The following CD86 variants were observed in gnomAD, a reference collection of about 807,000 sequenced individuals.
CD86 encodes CD86 molecule.
In CD86, 11 loss-of-function variants were observed where a neutral mutation model predicts 32.1. That is an observed-to-expected ratio of 0.34 (90% CI 0.22 to 0.57). CD86 has a LOEUF of 0.57. Among genes scored for constraint, CD86 ranks in the 20% least tolerant of loss-of-function variants. The pLI, the probability that CD86 is intolerant of heterozygous loss-of-function variation, is 0.86. For missense variants in CD86, 359 were observed against 398.4 expected (o/e 0.90, Z 0.84); for synonymous variants, 137 against 135.3 (o/e 1.01, Z -0.09).
At chr3:122,090,026 G>T (rs1402750605) in intron 1 of CD86, among the ~76,000 whole-genome samples, 1 of 152,182 alleles carries the variant, frequency 6.6e-6, no homozygotes, top group Non-Finnish European at 1.5e-5. Context: ...GTAGAGGCAA[G>T]AAACTGGTAA....
chr3:122,058,771 T>G (rs966319421), intron 1 of CD86, among the ~76,000 whole-genome samples: 2 of 152,080 alleles, frequency 1.3e-5, no homozygotes, highest in Non-Finnish European at 2.9e-5. Flanking sequence ...AAAAAATCCC[T>G]TGGCAGAAGA....
intron 1 of CD86, among the ~76,000 whole-genome samples, chr3:122,087,211 G>T (rs950956529): frequency 5.3e-5 from 8 of 152,062 alleles, no homozygotes; most frequent in African/African-American, 1.9e-4. Context: ...CCTCTTTTTA[G>T]ATTTCTGACT....
intron 2 of CD86, chr3:122,092,270 A>T (rs1320904007): frequency 6.6e-6 from 1 of 151,984 alleles, no homozygotes; most frequent in East Asian, 1.9e-4. Flanking sequence ...CATTTGCACA[A>T]CCCTTTCTAA....
At chr3:122,060,007 A>T (rs953022513) in intron 1 of CD86, among the ~76,000 whole-genome samples, 2 of 151,948 alleles carry the variant, frequency 1.3e-5, no homozygotes, top group African/African-American at 4.8e-5. Flanking sequence ...TGGCTTCCAG[A>T]AAAAAAATAA....
intron 5 of CD86, among the ~76,000 whole-genome samples, chr3:122,112,698 A>AT: frequency 6.6e-6 from 1 of 152,218 alleles, no homozygotes; most frequent in Admixed American, 6.5e-5. Context: ...GTCTGCTTTC[A>AT]TTTTTTTGAC....
chr3:122,072,450 T>C (rs1358246176), intron 1 of CD86, among the ~76,000 whole-genome samples: 1 of 152,200 alleles, frequency 6.6e-6, no homozygotes, highest in Non-Finnish European at 1.5e-5. Flanking sequence ...TATCTCATTG[T>C]GGTTTTGATT....
At chr3:122,056,004 G>A (rs895135610) in intron 1 of CD86, among the ~76,000 whole-genome samples, 2 of 152,162 alleles carry the variant, frequency 1.3e-5, no homozygotes, top group Non-Finnish European at 2.9e-5. Flanking sequence ...GCAGGGTTGG[G>A]TAGTGGAAGG....
chr3:122,097,197 A>G (rs1363677318), intron 2 of CD86, among the ~76,000 whole-genome samples: 1 of 152,116 alleles, frequency 6.6e-6, no homozygotes, highest in Non-Finnish European at 1.5e-5. Context: ...TTCCCTAGTT[A>G]TTCTTGAGAT....
chr3:122,076,341 G>T (rs2072555376), intron 1 of CD86, among the ~76,000 whole-genome samples: 1 of 152,190 alleles, frequency 6.6e-6, no homozygotes. Context: ...ACAAGGAAAA[G>T]AAGGAAACAT....
intron 1 of CD86, among the ~76,000 whole-genome samples, chr3:122,070,819 G>A (rs2072478764): frequency 1.3e-5 from 2 of 152,152 alleles, no homozygotes; most frequent in Admixed American, 1.3e-4. Flanking sequence ...GTGCAACATA[G>A]GGAAGTGAAC....
chr3:122,091,866 T>A (rs1483739622), intron 2 of CD86: 1 of 551,420 alleles, frequency 1.8e-6, no homozygotes, highest in African/African-American at 1.9e-5. Context: ...CTCCCCCCCG[T>A]GTGCTTCTTC....
intron 2 of CD86, among the ~76,000 whole-genome samples, chr3:122,101,052 G>A (rs1185921172): frequency 2.0e-5 from 3 of 152,124 alleles, no homozygotes; most frequent in Admixed American, 6.5e-5. Flanking sequence ...AGGTGCTATG[G>A]AGTATAAATT....
At chr3:122,083,400 C>G (rs79373789) in intron 1 of CD86, among the ~76,000 whole-genome samples, 5 of 152,146 alleles carry the variant, frequency 3.3e-5, no homozygotes, top group Non-Finnish European at 7.3e-5. Flanking sequence ...CCTTCTCTCA[C>G]GTGCCCTCCT....
At chr3:122,102,987 G>A (rs1453806601) in intron 2 of CD86, among the ~76,000 whole-genome samples, 1 of 152,026 alleles carries the variant, frequency 6.6e-6, no homozygotes, top group Non-Finnish European at 1.5e-5. Context: ...AATAAAGGGG[G>A]GCTATAATTT....
intron 5 of CD86, among the ~76,000 whole-genome samples, chr3:122,116,426 GATA>G (rs1266732730): frequency 3.3e-5 from 5 of 152,046 alleles, no homozygotes; most frequent in Admixed American, 2.0e-4. Context: ...AAATTAAAAC[GATA>G]ATGAGATACC....
At chr3:122,096,625 A>G (rs1006075841) in intron 2 of CD86, among the ~76,000 whole-genome samples, 1 of 152,188 alleles carries the variant, frequency 6.6e-6, no homozygotes, top group Non-Finnish European at 1.5e-5. Flanking sequence ...AATCCTCACA[A>G]CAAACCTATG....
intron 1 of CD86, among the ~76,000 whole-genome samples, chr3:122,056,145 A>G (rs1161570638): frequency 6.6e-6 from 1 of 152,050 alleles, no homozygotes; most frequent in Non-Finnish European, 1.5e-5. Context: ...TTTTTGACAG[A>G]TGGGGTAACT....
At chr3:122,063,873 G>A (rs575383731) in intron 1 of CD86, among the ~76,000 whole-genome samples, 1 of 152,132 alleles carries the variant, frequency 6.6e-6, no homozygotes, top group South Asian at 2.1e-4. Flanking sequence ...TAGAAAGAAA[G>A]CTCCATATCA....
In CD86 at chr3:122,118,105, C is replaced by G. The variant is rs777329139; in HGVS notation, c.893+12C>G. ...CAGACCAAGAAAAGGTAAATCCTGA[C>G]CCTGAGACATTGATGAGAGAGAGGT... On this transcript the variant is annotated intron_variant, in intron 6 of 6. Coordinates refer to ENST00000330540, the MANE Select transcript of CD86 (RefSeq NM_175862.5). 2.4e-5 allele frequency: 36 copies of G among 1,527,616 alleles called. No individual in the cohort carries two copies. Among genetic ancestry groups the G allele is most frequent in the Non-Finnish European group, 4.4e-6 (5 of 1,144,434 alleles). The allele number at this position is 1,527,616 out of a possible 1,614,324, so 94.6% of individuals were successfully genotyped here. A position where few individuals can be genotyped will look rare whatever the true frequency, so the allele number is the denominator to read the frequency against.
Sources: gnomAD v4.1 joint callset for allele counts (sites outside exome capture counted in the v4.1 genomes callset) on GRCh38, gnomAD v4.1.1 for gene constraint, MANE v1.5 for transcripts, NCBI Gene and HGNC (gene_info 2026-07-23, HGNC 2026-07-21) for gene names.